The following TRIOBP variants were observed in gnomAD, a reference collection of about 807,000 sequenced individuals.
TRIOBP encodes TRIO and F-actin binding protein.
A neutral mutation model predicts 238.8 loss-of-function variants in TRIOBP; 169 were observed. That is an observed-to-expected ratio of 0.71 (90% CI 0.62 to 0.80). The LOEUF is 0.80. Ranked by LOEUF, TRIOBP falls within the 30% of genes least tolerant of loss-of-function variation. The pLI is 0.00. For missense variants in TRIOBP, 2,838 were observed against 3,122.6 expected, an observed-to-expected ratio of 0.91 and a Z score of 2.17; for synonymous variants, 1,150 against 1,274.4, an observed-to-expected ratio of 0.90 and a Z score of 2.08.
intron 3 of TRIOBP, 71 bp from the exon 4 acceptor site, chr22:37,710,356 A>AG (rs1415779660): frequency 1.2e-6 from 2 of 1,600,824 alleles, no homozygotes; most frequent in Non-Finnish European, 1.7e-6. Flanking sequence ...CGCCACCGGG[A>AG]GGGGCTGTGC....
At position 37,774,923 on chromosome 22, in the gene TRIOBP, TTC is replaced by T. The variant is rs1325142862; in HGVS notation, c.*1146_*1147del. The T allele has an allele frequency of 6.6e-6, 1 of 152,326 alleles. No individual in the cohort carries two copies. Among genetic ancestry groups the T allele is most frequent in the African/African-American group, 2.4e-5 (1 of 41,454 alleles). The allele number at this position is 152,326 out of a possible 1,614,324, so 9.4% of individuals were successfully genotyped here. On this transcript the variant is annotated 3_prime_UTR_variant, in exon 24 of 24. Transcript: ENST00000644935. ...CACCCCTCACTGAGCCTCAGTTTGC[TTC>T]TCCATCAAATGGGTGTTTTTCTTTC...
chr22:37,700,552 G>C (rs1013186921), intron 2 of TRIOBP, among the ~76,000 whole-genome samples: 2 of 151,850 alleles, frequency 1.3e-5, no homozygotes, highest in African/African-American at 2.4e-5. Context: ...GAGTAGCAGG[G>C]ACCACAGGCC....
intron 6 of TRIOBP, among the ~76,000 whole-genome samples, chr22:37,721,578 G>T (rs1923831978): frequency 6.6e-6 from 1 of 152,132 alleles, no homozygotes; most frequent in Non-Finnish European, 1.5e-5. Flanking sequence ...CCTGGGCTCA[G>T]GCACTCCTCC....
intron 11 of TRIOBP, 195 bp from the exon 12 acceptor site, chr22:37,751,577 G>A (rs1441121753): frequency 1.6e-6 from 1 of 624,008 alleles, no homozygotes; most frequent in Non-Finnish European, 2.9e-6. Context: ...ATCAGGAAAG[G>A]GGCCAGGGCT....
chr22:37,773,333 C>T (rs867593871), intron 23 of TRIOBP, among the ~76,000 whole-genome samples: 3 of 152,264 alleles, frequency 2.0e-5, no homozygotes, highest in Middle Eastern at 3.4e-3. Flanking sequence ...ATCCTCCCAC[C>T]TCAGCCTTCT....
At position 37,734,768 on chromosome 22, in the gene TRIOBP, G is replaced by C. The variant is rs749754477; in HGVS notation, c.4432G>C (p.Gly1478Arg). 18 of 1,612,224 alleles carry C rather than the reference G, an allele frequency of 1.1e-5. No homozygotes were observed. The highest frequency in any genetic ancestry group is 5.3e-5 in the African/African-American group (4 of 74,912). Residue 1478 changes from glycine to arginine, a missense_variant, in exon 9 of 24, where the codon GGG becomes CGG. Physicochemically the swap from Gly to Arg is moderately radical, Grantham distance 125 (BLOSUM62 -2). Coordinates refer to ENST00000644935, the MANE Select transcript of TRIOBP (RefSeq NM_001039141.3). ...AGCCAAAGCCCCGGAGGGAGCATGGGGGGGCACTTCCAGGGAGTACAAGGA... is the reference window on the plus strand; with the variant it reads ...AGCCAAAGCCCCGGAGGGAGCATGGCGGGGCACTTCCAGGGAGTACAAGGA... ...GAAKAPEGAWGGTSREYKESW... is the reference protein window; with the variant it reads ...GAAKAPEGAWRGTSREYKESW...
intron 11 of TRIOBP, 35 bp from the exon 12 acceptor site, chr22:37,751,737 G>A: frequency 1.2e-6 from 2 of 1,613,374 alleles, no homozygotes; most frequent in Non-Finnish European, 1.7e-6. Context: ...GCTTCCTGCT[G>A]GACCCAACTC....
chr22:37,701,276 TG>T, intron 2 of TRIOBP, 29 bp from the exon 3 acceptor site: 1 of 1,017,548 alleles, frequency 9.8e-7, no homozygotes, highest in Non-Finnish European at 1.5e-6. Context: ...GCCAGTCATC[TG>T]GTCTTTGCCT....
At chr22:37,755,386 T>C (rs1925862205) in intron 14 of TRIOBP, 164 bp from the exon 15 acceptor site, 1 of 898,522 alleles carries the variant, frequency 1.1e-6, no homozygotes, top group East Asian at 2.6e-5. Flanking sequence ...CCAGCAGGGC[T>C]CTTCCCAGGC....
chr22:37,701,610 C>T, intron 3 of TRIOBP, 131 bp downstream of exon 3: 1 of 688,082 alleles, frequency 1.5e-6, no homozygotes, highest in Non-Finnish European at 2.7e-6. Context: ...CCTCGGTTTT[C>T]CCACATTGCA....
intron 12 of TRIOBP, 21 bp downstream of exon 12, chr22:37,751,849 G>A: frequency 1.9e-6 from 3 of 1,613,870 alleles, no homozygotes; most frequent in Non-Finnish European, 1.7e-6. Flanking sequence ...TGAGGCCGGA[G>A]GGGAGGAAGC....
chr22:37,701,516 A>G (rs1486565608), intron 3 of TRIOBP, 37 bp downstream of exon 3: 2 of 1,454,406 alleles, frequency 1.4e-6, no homozygotes, highest in South Asian at 2.4e-5. Context: ...GTGGTTTGTG[A>G]TGGGGGCATG....
chr22:37,722,792 G>A (rs1180854684), intron 6 of TRIOBP, among the ~76,000 whole-genome samples: 1 of 152,222 alleles, frequency 6.6e-6, no homozygotes, highest in African/African-American at 2.4e-5. Flanking sequence ...ATAGAACTGG[G>A]AAGGGAAGAC....
rs778543492 is a variant in TRIOBP at position 37,734,552 on chromosome 22, G to C, written c.4216G>C (p.Glu1406Gln). 1 of 1,592,858 alleles carries C rather than the reference G, an allele frequency of 6.3e-7. No individual in the cohort carries two copies. The highest frequency in any genetic ancestry group is 8.5e-7 in the Non-Finnish European group (1 of 1,169,986). Residue 1406 changes from glutamate (E) to glutamine (Q), a missense_variant, in exon 9 of 24, where the codon GAG (glutamate) becomes CAG (glutamine). Around this residue, in one of 5 missense-constraint regions of TRIOBP, gnomAD observed 2,096 missense variants for 2,137.4 expected, o/e 0.98. Coordinates refer to ENST00000644935, the MANE Select transcript of TRIOBP (RefSeq NM_001039141.3). ...PRTSARTPER[E>Q]LRTQRPLESG... ...GACATCAGCCAGGACCCCTGAGAGGGAGCTGCGGACACAGAGACCTCTGGA... is the reference window on the plus strand; with the variant it reads ...GACATCAGCCAGGACCCCTGAGAGGCAGCTGCGGACACAGAGACCTCTGGA...
intron 23 of TRIOBP, among the ~76,000 whole-genome samples, chr22:37,773,209 TTGG>T (rs1174977374): frequency 1.3e-5 from 2 of 151,860 alleles, no homozygotes; most frequent in African/African-American, 4.8e-5. Context: ...GGTTGGTTGG[TTGG>T]TTGGTTGGTT....
At chr22:37,746,508 C>A in intron 11 of TRIOBP, 2 of 1,156,510 alleles carry the variant, frequency 1.7e-6, no homozygotes, top group South Asian at 1.7e-5. Flanking sequence ...TCCGGGGCAG[C>A]CCCCTCCTCA....
Position 37,759,244 on chromosome 22 carries a change from C to T in TRIOBP, c.6304C>T (p.Pro2102Ser), listed in dbSNP as rs758997979. The change falls in exon 17 of 24, where the codon CCC becomes TCC. Residue 2102 changes from proline (P) to serine (S), a missense_variant. Transcript: ENST00000644935. ...ALRSQEDGHI[P>S]PGYISQEACE... ...GAGATCCCAGGAGGATGGCCACATCCCCCCGGGCTACATCTCACAGGTAAG... is the reference window on the plus strand; with the variant it reads ...GAGATCCCAGGAGGATGGCCACATCTCCCCGGGCTACATCTCACAGGTAAG... The T allele has an allele frequency of 6.2e-6, 10 of 1,612,964 alleles. No homozygotes were observed. Among genetic ancestry groups the T allele is most frequent in the Non-Finnish European group, 8.5e-6 (10 of 1,179,958 alleles).
At chr22:37,759,735 C>G (rs918580108) in intron 17 of TRIOBP, 22 of 1,457,082 alleles carry the variant, frequency 1.5e-5, no homozygotes, top group African/African-American at 2.8e-5. Flanking sequence ...AGAGAATGCA[C>G]CGTCCGCCTA....
intron 11 of TRIOBP, 22 bp downstream of exon 11, chr22:37,741,054 C>A: frequency 1.3e-6 from 2 of 1,558,118 alleles, no homozygotes; most frequent in Non-Finnish European, 1.7e-6. Context: ...CCAGTGGGGA[C>A]TGGAGGGGTG....
Sources: gnomAD v4.1 joint callset for allele counts (sites outside exome capture counted in the v4.1 genomes callset) on GRCh38, gnomAD v4.1.1 for gene constraint, gnomAD v4.1.1 regional missense constraint, MANE v1.5 for transcripts, NCBI Gene and HGNC (gene_info 2026-07-23, HGNC 2026-07-21) for gene names.